Variants in TBCD observed in about 807,000 individuals in gnomAD.
The protein encoded by TBCD is tubulin folding cofactor D, also known as tubulin-specific chaperone D.
A neutral mutation model predicts 169.3 loss-of-function variants in TBCD; 105 were observed. The ratio of observed to expected loss-of-function variants is 0.62; its 90% CI spans 0.53 to 0.73. The LOEUF (loss-of-function observed/expected upper bound fraction) is 0.73. Ranked by LOEUF, TBCD falls within the 30% of genes least tolerant of loss-of-function variation. The pLI, the probability that TBCD is intolerant of heterozygous loss-of-function variation, is 0.00. For missense variants in TBCD, 1,444 were observed against 1,600.1 expected (o/e 0.90, Z 1.66); for synonymous variants, 700 against 643.9 (o/e 1.09, Z -1.32).
At chr17:82,752,500 G>A in intron 1 of TBCD, 123 bp downstream of exon 1, 1 of 790,986 alleles carries the variant, frequency 1.3e-6, no homozygotes, top group Non-Finnish European at 1.6e-6. Context: ...CTGCCGGTGC[G>A]CGGTCCCGCG....
intron 13 of TBCD, 129 bp from the exon 14 acceptor site, chr17:82,870,095 C>G: frequency 7.8e-7 from 1 of 1,289,234 alleles, no homozygotes; most frequent in Non-Finnish European, 1.1e-6. Flanking sequence ...GGGTGGGCTC[C>G]GTGTCGCTTG....
Position 82,942,823 on chromosome 17 carries a change from T to C in TBCD, c.*360T>C, listed in dbSNP as rs147459168. On this transcript the variant is annotated 3_prime_UTR_variant, in exon 39 of 39. Transcript: ENST00000355528. ...CTCCTGCCTGGAGACCAGGCCCCCTTCTTGCCTGGTGCTGTCCCTGCTGTG... is the reference window on the plus strand; with the variant it reads ...CTCCTGCCTGGAGACCAGGCCCCCTCCTTGCCTGGTGCTGTCCCTGCTGTG... 1.7e-3 allele frequency: 646 copies of C among 379,540 alleles called. 5 individuals are homozygous for C. Among genetic ancestry groups the C allele is most frequent in the African/African-American group, 0.013 (609 of 48,154 alleles). The allele number at this position is 379,540 out of a possible 1,614,324, so 23.5% of individuals were successfully genotyped here.
chr17:82,842,531 G>A (rs2054607597), intron 13 of TBCD, among the ~76,000 whole-genome samples: 1 of 152,104 alleles, frequency 6.6e-6, no homozygotes, highest in Non-Finnish European at 1.5e-5. Flanking sequence ...CCTCTCTCTT[G>A]CACTGGAAGG....
At chr17:82,893,460 ATGTC>A in intron 16 of TBCD, 83 bp from the exon 17 acceptor site, 1 of 1,080,490 alleles carries the variant, frequency 9.3e-7, no homozygotes, top group Non-Finnish European at 1.4e-6. Flanking sequence ...ATGAGTGTAA[ATGTC>A]TGTGGATGTG....
chr17:82,797,106 C>T (rs551487364), intron 7 of TBCD, among the ~76,000 whole-genome samples: 4 of 152,332 alleles, frequency 2.6e-5, no homozygotes, highest in African/African-American at 4.8e-5. Flanking sequence ...TGTGAATCAT[C>T]GCATTTGTCC....
rs149652336 is a variant in TBCD at position 82,940,023 on chromosome 17, G to A, written c.3479+547G>A. Among the ~76,000 whole-genome samples, 1,166 of 152,306 alleles carry A rather than the reference G, an allele frequency of 7.7e-3. 14 individuals are homozygous for A. Among genetic ancestry groups the A allele is most frequent in the Non-Finnish European group, 0.01 (707 of 68,012 alleles). On this transcript the variant is annotated intron_variant, in intron 37 of 38. Coordinates refer to ENST00000355528, the MANE Select transcript of TBCD (RefSeq NM_005993.5). ...ACATGGGCTGGCTTCTTTACCATGG[G>A]TGGAGTAGAATGGCGGTTTTGAAAG...
In TBCD at chr17:82,768,602, A is replaced by G. The variant is rs772648252; in HGVS notation, c.582+36A>G. 5 of 1,603,912 alleles carry G rather than the reference A, an allele frequency of 3.1e-6. No homozygotes were observed. The South Asian group carries it at 5.5e-5, about 18-fold the overall frequency. On this transcript the variant is annotated intron_variant, in intron 5 of 38. Transcript: ENST00000355528. Reference sequence around the variant, plus strand: ...TGCAGATAATTAGCTGCTAATTAGTACTCACTTTCATGTTCATGCTGTCTT... The same window carrying G: ...TGCAGATAATTAGCTGCTAATTAGTGCTCACTTTCATGTTCATGCTGTCTT...
At chr17:82,828,960 C>T (rs1053488416) in intron 13 of TBCD, among the ~76,000 whole-genome samples, 2 of 145,648 alleles carry the variant, frequency 1.4e-5, no homozygotes, top group African/African-American at 5.1e-5. Context: ...GATATGCACA[C>T]GTGCATACCC....
intron 13 of TBCD, among the ~76,000 whole-genome samples, chr17:82,820,019 C>T (rs888312219): frequency 3.2e-4 from 48 of 151,358 alleles, no homozygotes; most frequent in African/African-American, 1.1e-3. Context: ...TGCTCTGTTG[C>T]CCAGGCTGGA....
At position 82,870,960 on chromosome 17, in the gene TBCD, C is replaced by T. The variant is rs542228734; in HGVS notation, c.1475+580C>T. Among the ~76,000 whole-genome samples, 42 of 152,370 alleles carry T rather than the reference C, an allele frequency of 2.8e-4. No homozygotes were observed. In the South Asian group the frequency reaches 6.4e-3, roughly 23 times the overall value. ...GAGAATGTTCAGTAGCAATAGCCTT[C>T]GCTGGCATGCCTGATGTCAGCTCCT... is the stretch of plus-strand genomic sequence containing the variant. On this transcript the variant is annotated intron_variant, in intron 14 of 38. Coordinates refer to ENST00000355528, the MANE Select transcript of TBCD (RefSeq NM_005993.5).
Position 82,925,271 on chromosome 17 carries a change from A to C in TBCD, c.2379+214A>C, listed in dbSNP as rs112235232. On this transcript the variant is annotated intron_variant, in intron 27 of 38. Transcript: ENST00000355528. Reference sequence around the variant, plus strand: ...GGGCCCTGGCGAACCCTTTGCTGTCAGAGGACAGACTTGAAAAAGCTGAAT... The same window carrying C: ...GGGCCCTGGCGAACCCTTTGCTGTCCGAGGACAGACTTGAAAAAGCTGAAT... 0.051 allele frequency among the ~76,000 whole-genome samples: 7,776 copies of C among 152,302 alleles called. 440 individuals carry two copies. Among genetic ancestry groups the C allele is most frequent in the African/African-American group, 0.14 (5,784 of 41,548 alleles).
intron 13 of TBCD, among the ~76,000 whole-genome samples, chr17:82,852,972 GTGA>G (rs1392757409): frequency 6.6e-6 from 1 of 152,240 alleles, no homozygotes; most frequent in African/African-American, 2.4e-5. Flanking sequence ...TTTGAGGTTA[GTGA>G]TGATGATGGA....
chr17:82,761,399 C>T (rs541359034), intron 2 of TBCD, among the ~76,000 whole-genome samples: 91 of 152,068 alleles, frequency 6.0e-4, no homozygotes, highest in Non-Finnish European at 1.1e-3. Flanking sequence ...TAAAATTTAC[C>T]TACTATAAAA....
intron 13 of TBCD, among the ~76,000 whole-genome samples, chr17:82,828,034 C>T (rs1043420068): frequency 6.6e-6 from 1 of 150,916 alleles, no homozygotes; most frequent in African/African-American, 2.4e-5. Context: ...TGGACACGCA[C>T]GATTCAATAT....
intron 2 of TBCD, among the ~76,000 whole-genome samples, chr17:82,762,958 T>C (rs563971529): frequency 9.6e-4 from 146 of 152,348 alleles, no homozygotes; most frequent in African/African-American, 2.7e-3. Flanking sequence ...TTGTTTTCCA[T>C]GTATGAAGAC....
chr17:82,779,000 G>GTTTATTTATTTA (rs72200309), intron 6 of TBCD, among the ~76,000 whole-genome samples: 1 of 147,844 alleles, frequency 6.8e-6, no homozygotes, highest in Non-Finnish European at 1.5e-5. Context: ...TAGAGATGGG[G>GTTTATTTATTTA]TTTATTTATT....
At chr17:82,815,038 G>A in intron 13 of TBCD, 104 bp downstream of exon 13, 1 of 1,534,282 alleles carries the variant, frequency 6.5e-7, no homozygotes, top group Non-Finnish European at 8.8e-7. Flanking sequence ...AGTAGCTGAA[G>A]CACGGTCAGC....
Position 82,806,930 on chromosome 17 carries a change from C to G in TBCD, c.1088-678C>G, listed in dbSNP as rs928032571. 6.6e-6 allele frequency among the ~76,000 whole-genome samples: 1 copy of G among 152,188 alleles called. No homozygotes were observed. On this transcript the variant is annotated intron_variant, in intron 10 of 38. Transcript: ENST00000355528. The surrounding 1 kb of genome is among the most constrained non-coding windows in gnomAD (Gnocchi z 5.1). ...CCTGGGTCTGCCCCTTCCCCGTGTC[C>G]GCAGCCTGCCCCAGGTTCATTCCCG...
chr17:82,829,307 A>ACC (rs3834573), intron 13 of TBCD: 5 of 149,826 alleles, frequency 3.3e-5, no homozygotes, highest in African/African-American at 1.3e-4. Context: ...GAATGTGCAC[A>ACC]CCCCCCCCAC....
Sources: allele counts gnomAD v4.1 joint callset (sites outside exome capture counted in the v4.1 genomes callset), GRCh38; gene constraint gnomAD v4.1.1; non-coding constraint Gnocchi (gnomAD v3.1); transcripts MANE v1.5; gene names NCBI Gene and HGNC (gene_info 2026-07-23, HGNC 2026-07-21).